The following ZNF366 variants were observed in gnomAD, a reference collection of about 807,000 sequenced individuals.
ZNF366 encodes the protein dendritic cell-specific transcript protein.
A neutral mutation model predicts 47.2 loss-of-function variants in ZNF366; 20 were observed. The ratio of observed to expected loss-of-function variants is 0.42; its 90% CI spans 0.30 to 0.62. The LOEUF (loss-of-function observed/expected upper bound fraction) is 0.62. Ranked by LOEUF, ZNF366 falls within the 20% of genes least tolerant of loss-of-function variation. ZNF366 has a pLI of 0.16. For synonymous variants in ZNF366, 421 were observed against 395.1 expected (o/e 1.07, Z -0.78); for missense variants, 987 against 976.3 (o/e 1.01, Z -0.15).
Position 72,444,243 on chromosome 5 carries a change from C to T in ZNF366, c.1748G>A (p.Arg583Lys), listed in dbSNP as rs145751417. 6.2e-7 allele frequency: 1 copy of T among 1,613,532 alleles called. No individual in the cohort carries two copies. The highest frequency in any genetic ancestry group is 8.5e-7 in the Non-Finnish European group (1 of 1,180,020). ...IALAQTAGVLRSLEQEEPFDL... is the reference protein window; with the variant it reads ...IALAQTAGVLKSLEQEEPFDL... ...AAAGGGCTCCTCCTGCTCCAGACTC[C>T]TCAGGACACCGGCTGTCTGTGCCAG... is the stretch of plus-strand genomic sequence containing the variant. The change falls in exon 5 of 5, where the codon AGG (arginine) becomes AAG (lysine). Residue 583 changes from arginine (R) to lysine (K), a missense_variant. Transcript: ENST00000318442.
chr5:72,469,642 A>T (rs1202924276), intron 1 of ZNF366, among the ~76,000 whole-genome samples: 1 of 152,214 alleles, frequency 6.6e-6, no homozygotes, highest in Admixed American at 6.5e-5. Context: ...CAGCAAGAAT[A>T]TTGTGGGGGC....
intron 1 of ZNF366, among the ~76,000 whole-genome samples, chr5:72,503,300 A>T (rs1218495112): frequency 6.6e-6 from 1 of 152,186 alleles, no homozygotes; most frequent in African/African-American, 2.4e-5. Context: ...TATACTCAGA[A>T]CTATCTTCTA....
chr5:72,458,277 A>G (rs1434377516), intron 2 of ZNF366, among the ~76,000 whole-genome samples: 1 of 151,968 alleles, frequency 6.6e-6, no homozygotes, highest in Non-Finnish European at 1.5e-5. Context: ...CGGCCTCCCA[A>G]AGTGCTGGGA....
chr5:72,456,620 A>G, intron 2 of ZNF366, 25 bp from the exon 3 acceptor site: 1 of 1,555,872 alleles, frequency 6.4e-7, no homozygotes, highest in Non-Finnish European at 8.8e-7. Flanking sequence ...GATTCAGAAA[A>G]GTGGTGATTG....
rs1465918788 is a variant in ZNF366, at chr5:72,451,217, C to A, written c.1525-3800G>T. ...CTCATTGCGCAGGTGCGCATCTCCACCAGCGTGCCCCCGCTTGACCTCTCG... is the reference window on the plus strand; with the variant it reads ...CTCATTGCGCAGGTGCGCATCTCCAACAGCGTGCCCCCGCTTGACCTCTCG... On this transcript the variant is annotated intron_variant, in intron 3 of 4. Coordinates refer to ENST00000318442, the MANE Select transcript of ZNF366 (RefSeq NM_152625.3). Among the ~76,000 whole-genome samples the A allele has an allele frequency of 1.3e-5, 2 of 152,384 alleles. 1 individual carries two copies. Among genetic ancestry groups the A allele is most frequent in the South Asian group, 4.1e-4 (2 of 4,830 alleles).
chr5:72,499,070 G>A (rs935680195), intron 1 of ZNF366, among the ~76,000 whole-genome samples: 3 of 152,236 alleles, frequency 2.0e-5, no homozygotes, highest in Non-Finnish European at 4.4e-5. Context: ...GAATGGGACT[G>A]CCTTCTGCAA....
intron 1 of ZNF366, among the ~76,000 whole-genome samples, chr5:72,473,691 T>C (rs555480047): frequency 6.6e-6 from 1 of 152,334 alleles, no homozygotes; most frequent in South Asian, 2.1e-4. Flanking sequence ...CAGTTATCTG[T>C]CTCTTGTTTC....
chr5:72,470,685 C>T (rs1743543943), intron 1 of ZNF366, among the ~76,000 whole-genome samples: 1 of 152,202 alleles, frequency 6.6e-6, no homozygotes, highest in Admixed American at 6.5e-5. Flanking sequence ...CTCTTGCTCC[C>T]TGATCCCAAG....
chr5:72,444,868 G>C (rs73104418), intron 4 of ZNF366, among the ~76,000 whole-genome samples: 2 of 151,944 alleles, frequency 1.3e-5, no homozygotes, highest in Non-Finnish European at 1.5e-5. Flanking sequence ...TGGAAGGAGG[G>C]ATGTCAAAAT....
chr5:72,474,241 A>G (rs1743626073), intron 1 of ZNF366, among the ~76,000 whole-genome samples: 1 of 152,186 alleles, frequency 6.6e-6, no homozygotes, highest in Non-Finnish European at 1.5e-5. Flanking sequence ...CTGTCTCAGA[A>G]GCACCACAAA....
At chr5:72,471,215 C>T (rs1161832709) in intron 1 of ZNF366, among the ~76,000 whole-genome samples, 1 of 152,162 alleles carries the variant, frequency 6.6e-6, no homozygotes, top group Non-Finnish European at 1.5e-5. Context: ...CCACTGTTCA[C>T]TGTTTCTTTT....
rs781447826 is a variant in ZNF366, at chr5:72,444,221, G to C, written c.1770C>G (p.Pro590=). ...GVLRSLEQEE[P]FDLSQKRRAK... is the part of the protein sequence containing the mutation. ...CCCGGCGCTTCTGAGAGAGGTCAAA[G>C]GGCTCCTCCTGCTCCAGACTCCTCA... Residue 590 remains proline (P), a synonymous_variant, in exon 5 of 5, where the codon CCC becomes CCG. Transcript: ENST00000318442. The C allele has an allele frequency of 1.2e-6, 2 of 1,613,516 alleles. No individual in the cohort carries two copies. Among genetic ancestry groups the C allele is most frequent in the Non-Finnish European group, 1.7e-6 (2 of 1,180,038 alleles).
intron 1 of ZNF366, among the ~76,000 whole-genome samples, chr5:72,500,880 G>A (rs375758810): frequency 7.9e-5 from 12 of 152,110 alleles, no homozygotes; most frequent in Admixed American, 5.9e-4. Flanking sequence ...CCATGGTGTT[G>A]GTCTTTGGAC....
At position 72,467,446 on chromosome 5, in the gene ZNF366, A is replaced by C. The variant is rs981282395; in HGVS notation, c.-14-5936T>G. Among the ~76,000 whole-genome samples, 20 of 152,192 alleles carry C rather than the reference A, an allele frequency of 1.3e-4. 1 individual carries two copies. The highest frequency in any genetic ancestry group is 1.2e-3 in the Admixed American group (19 of 15,282). ...CAAGGCCTGACCAAGATAAAACCACATTTAGTTTTGGGGGAAATATGCTGC... is the reference window on the plus strand; with the variant it reads ...CAAGGCCTGACCAAGATAAAACCACCTTTAGTTTTGGGGGAAATATGCTGC... On this transcript the variant is annotated intron_variant, in intron 1 of 4. Coordinates refer to ENST00000318442, the MANE Select transcript of ZNF366 (RefSeq NM_152625.3).
chr5:72,480,389 C>A (rs763234076), intron 1 of ZNF366, among the ~76,000 whole-genome samples: 1 of 151,996 alleles, frequency 6.6e-6, no homozygotes, highest in African/African-American at 2.4e-5. Context: ...ATTTTCTGTT[C>A]CTTGGAACTT....
At chr5:72,486,456 C>T (rs1025468754) in intron 1 of ZNF366, among the ~76,000 whole-genome samples, 3 of 152,318 alleles carry the variant, frequency 2.0e-5, no homozygotes, top group African/African-American at 2.4e-5. Flanking sequence ...GAGGGTCTAA[C>T]TGGCTCCTCC....
chr5:72,487,579 G>T (rs1743915209), intron 1 of ZNF366, among the ~76,000 whole-genome samples: 2 of 151,526 alleles, frequency 1.3e-5, no homozygotes, highest in Admixed American at 1.3e-4. Context: ...ACCCTCTTTG[G>T]CTTCTGGGAT....
Position 72,442,902 on chromosome 5 carries a change from C to G in ZNF366, c.*854G>C, listed in dbSNP as rs1390453161. ...TCTCAAACTCCTGACCTCAAGTGAT[C>G]TGCCTGCCTCGGCCTCCCAAAGTGC... On this transcript the variant is annotated 3_prime_UTR_variant, in exon 5 of 5. Transcript: ENST00000318442. The G allele has an allele frequency of 6.6e-6, 1 of 152,508 alleles. No homozygotes were observed. Among genetic ancestry groups the G allele is most frequent in the African/African-American group, 2.4e-5 (1 of 41,468 alleles). 9.4% of individuals were successfully genotyped at this position (152,508 alleles called of 1,614,324 possible). A position where few individuals can be genotyped will look rare whatever the true frequency, so the allele number is the denominator to read the frequency against.
At chr5:72,503,393 T>C (rs4703942) in intron 1 of ZNF366, among the ~76,000 whole-genome samples, 28,158 of 152,068 alleles carry the variant, frequency 0.19, 2,794 homozygotes, top group East Asian at 0.38. Flanking sequence ...GTTAATGCCA[T>C]CCAGAAGAAG....
Sources: allele counts gnomAD v4.1 joint callset (sites outside exome capture counted in the v4.1 genomes callset), GRCh38; gene constraint gnomAD v4.1.1; transcripts MANE v1.5; gene names NCBI Gene and HGNC (gene_info 2026-07-23, HGNC 2026-07-21).